SMAD9: variants seen among roughly 807,000 people sequenced by gnomAD.
SMAD9 encodes the protein MAD homolog 9.
Under a neutral mutation model 46.1 loss-of-function variants are expected in SMAD9, and 36 were observed. The ratio of observed to expected loss-of-function variants is 0.78; its 90% CI spans 0.60 to 1.03. The LOEUF is 1.03. SMAD9 is among the 50% of genes least tolerant of loss of function. The pLI, the probability that SMAD9 is intolerant of heterozygous loss-of-function variation, is 0.00. For synonymous variants in SMAD9, 245 were observed against 237.1 expected, an observed-to-expected ratio of 1.03 and a Z score of -0.31; for missense variants, 572 against 599.8, an observed-to-expected ratio of 0.95 and a Z score of 0.48.
chr13:36,917,231 G>A (rs1424857837), intron 1 of SMAD9, among the ~76,000 whole-genome samples: 1 of 152,084 alleles, frequency 6.6e-6, no homozygotes, highest in African/African-American at 2.4e-5. Context: ...AGTTTCTTAA[G>A]AGACAAAATT....
rs1389794398 is a variant in SMAD9, at chr13:36,846,982, C to A, written c.*1694G>T. On this transcript the variant is annotated 3_prime_UTR_variant, in exon 7 of 7. Coordinates refer to ENST00000379826, the MANE Select transcript of SMAD9 (RefSeq NM_001127217.3). ...TACCTGACACCCATAGGTAGGTGCA[C>A]AATACATAGTTGATGAACCAATAAA... 6.6e-6 allele frequency: 1 copy of A among 152,084 alleles called. No individual in the cohort carries two copies. The highest frequency in any genetic ancestry group is 1.5e-5 in the Non-Finnish European group (1 of 68,028). 9.4% of individuals were successfully genotyped at this position (152,084 alleles called of 1,614,324 possible).
chr13:36,867,159 T>C (rs941453004), intron 4 of SMAD9, 114 bp downstream of exon 4: 29 of 725,570 alleles, frequency 4.0e-5, no homozygotes, highest in Non-Finnish European at 6.9e-5. Flanking sequence ...TTAAAACACA[T>C]GCAAAACAGC....
At chr13:36,865,494 C>T in intron 5 of SMAD9, 43 bp downstream of exon 5, 2 of 1,513,038 alleles carry the variant, frequency 1.3e-6, no homozygotes, top group South Asian at 1.1e-5. Context: ...TGACCATCTA[C>T]ATTTCGGCTA....
intron 1 of SMAD9, among the ~76,000 whole-genome samples, chr13:36,886,511 T>C (rs12427600): frequency 0.23 from 34,995 of 152,170 alleles, 4,166 homozygotes; most frequent in African/African-American, 0.26. Context: ...AAAGGACAAA[T>C]CCGAGCTGAG....
chr13:36,910,061 G>A (rs996812797), intron 1 of SMAD9, among the ~76,000 whole-genome samples: 8 of 152,100 alleles, frequency 5.3e-5, no homozygotes, highest in African/African-American at 1.9e-4. Flanking sequence ...TCCGGGCGTG[G>A]TGGCGGGCGC....
chr13:36,891,814 A>G (rs2058490983), intron 1 of SMAD9, among the ~76,000 whole-genome samples: 1 of 152,226 alleles, frequency 6.6e-6, no homozygotes, highest in Non-Finnish European at 1.5e-5. Flanking sequence ...CTGCTGCACT[A>G]TCATTCGTCT....
chr13:36,893,562 A>G (rs1048039726), intron 1 of SMAD9, among the ~76,000 whole-genome samples: 1 of 151,410 alleles, frequency 6.6e-6, no homozygotes, highest in Non-Finnish European at 1.5e-5. Context: ...GGATGAATAA[A>G]TGACGAAATA....
chr13:36,891,094 G>T (rs765395100), intron 1 of SMAD9, among the ~76,000 whole-genome samples: 1 of 151,910 alleles, frequency 6.6e-6, no homozygotes, highest in South Asian at 2.1e-4. Context: ...CCTCCTTCCC[G>T]CTTTGGTCCT....
At chr13:36,855,572 T>C (rs1165650218) in intron 5 of SMAD9, among the ~76,000 whole-genome samples, 1 of 152,180 alleles carries the variant, frequency 6.6e-6, no homozygotes, top group African/African-American at 2.4e-5. Context: ...TATACTTATA[T>C]ATTTGGGGTC....
chr13:36,915,397 T>C lies in SMAD9; in HGVS notation c.-187+4719A>G, dbSNP rs533398155. 7.5e-4 allele frequency among the ~76,000 whole-genome samples: 114 copies of C among 152,264 alleles called. 1 individual carries two copies. The highest frequency in any genetic ancestry group is 5.6e-3 in the South Asian group (27 of 4,818). ...ACTCTCCTCGGGACTGAGGAGTACA[T>C]GTTTTCTATTTATAGTCCCTCAGAA... On this transcript the variant is annotated intron_variant, in intron 1 of 6. Transcript: ENST00000379826.
At chr13:36,853,252 T>A (rs1400752031) in intron 6 of SMAD9, among the ~76,000 whole-genome samples, 167 bp downstream of exon 6, 1 of 152,158 alleles carries the variant, frequency 6.6e-6, no homozygotes, top group Non-Finnish European at 1.5e-5. Flanking sequence ...GCCACTGCAC[T>A]CCAGCCTGTG....
chr13:36,894,953 C>A (rs1253338633), intron 1 of SMAD9, among the ~76,000 whole-genome samples: 1 of 152,170 alleles, frequency 6.6e-6, no homozygotes, highest in Non-Finnish European at 1.5e-5. Context: ...CTCTCCTTCG[C>A]TTCCATGGCA....
chr13:36,916,898 T>A (rs2058702447), intron 1 of SMAD9, among the ~76,000 whole-genome samples: 1 of 149,390 alleles, frequency 6.7e-6, no homozygotes. Context: ...GGCCTCAGCG[T>A]GGGGTAAAGG....
At chr13:36,866,395 T>C (rs190297828) in intron 4 of SMAD9, among the ~76,000 whole-genome samples, 104 of 152,002 alleles carry the variant, frequency 6.8e-4, no homozygotes, top group African/African-American at 2.3e-3. Flanking sequence ...AGGAAACCCA[T>C]GGATGTTTTC....
chr13:36,893,822 G>C (rs948768788), intron 1 of SMAD9, among the ~76,000 whole-genome samples: 43 of 151,922 alleles, frequency 2.8e-4, no homozygotes, highest in African/African-American at 9.7e-4. Flanking sequence ...AGAAGGCAGG[G>C]GAGTAGCCCA....
At position 36,846,085 on chromosome 13, in the gene SMAD9, A is replaced by T. The variant is rs918574433; in HGVS notation, c.*2591T>A. The T allele has an allele frequency of 1.3e-5, 2 of 152,136 alleles. No homozygotes were observed. Among genetic ancestry groups the T allele is most frequent in the East Asian group, 1.9e-4 (1 of 5,142 alleles). The allele number at this position is 152,136 out of a possible 1,614,324, so 9.4% of individuals were successfully genotyped here. A position where few individuals can be genotyped will look rare whatever the true frequency, so the allele number is the denominator to read the frequency against. On this transcript the variant is annotated 3_prime_UTR_variant, in exon 7 of 7. Coordinates refer to ENST00000379826, the MANE Select transcript of SMAD9 (RefSeq NM_001127217.3). ...GATGATCCTCCCGCCTTGGCCTCCC[A>T]AAGTGCTGGGACTATAGGAATGAGC... is the stretch of plus-strand genomic sequence containing the variant.
chr13:36,863,510 T>C (rs2058203519), intron 5 of SMAD9, among the ~76,000 whole-genome samples: 1 of 152,142 alleles, frequency 6.6e-6, no homozygotes, highest in South Asian at 2.1e-4. Context: ...GAGCTACTGA[T>C]ATAATTGGGA....
chr13:36,907,409 CTG>C (rs2058628111), intron 1 of SMAD9, among the ~76,000 whole-genome samples: 1 of 152,210 alleles, frequency 6.6e-6, no homozygotes. Flanking sequence ...TGGTTCATGA[CTG>C]TGATCCCAGG....
intron 5 of SMAD9, among the ~76,000 whole-genome samples, chr13:36,856,507 G>T (rs1409890657): frequency 6.6e-6 from 1 of 152,196 alleles, no homozygotes; most frequent in Non-Finnish European, 1.5e-5. Context: ...GGACCAGCAT[G>T]CGGAGCCCGC....
Sources: allele counts gnomAD v4.1 joint callset (sites outside exome capture counted in the v4.1 genomes callset), GRCh38; gene constraint gnomAD v4.1.1; transcripts MANE v1.5; gene names NCBI Gene and HGNC (gene_info 2026-07-23, HGNC 2026-07-21).